Variants in CYYR1 observed in about 807,000 individuals in gnomAD.
The protein encoded by CYYR1 is cysteine and tyrosine rich 1, also known as cysteine and tyrosine-rich protein 1.
CYYR1 carries 14 observed loss-of-function variants against 15.2 expected under a neutral mutation model. The ratio of observed to expected loss-of-function variants is 0.92; its 90% confidence interval spans 0.61 to 1.44. The LOEUF is 1.44. Ranked by LOEUF, CYYR1 falls within the 40% of genes most tolerant of loss-of-function variation. The pLI, the probability that CYYR1 is intolerant of heterozygous loss-of-function variation, is 0.00. For synonymous variants in CYYR1, 80 were observed against 77.4 expected (o/e 1.03, Z -0.18); for missense variants, 228 against 209.5 (o/e 1.09, Z -0.54).
intron 1 of CYYR1, among the ~76,000 whole-genome samples, 188 bp downstream of exon 1, chr21:26,572,680 A>G (rs1215555302): frequency 2.6e-5 from 4 of 152,340 alleles, no homozygotes; most frequent in Admixed American, 2.0e-4. Context: ...AGGAAAAGGA[A>G]CAAAACAAAA....
At chr21:26,550,189 T>A (rs1337157394) in intron 2 of CYYR1, 4 of 152,192 alleles carry the variant, frequency 2.6e-5, no homozygotes, top group African/African-American at 9.7e-5. Flanking sequence ...TTTGATGATG[T>A]TACTATTGTA....
intron 2 of CYYR1, among the ~76,000 whole-genome samples, chr21:26,542,011 G>C (rs1978582434): frequency 6.6e-6 from 1 of 152,096 alleles, no homozygotes; most frequent in Admixed American, 6.6e-5. Flanking sequence ...AAAGATAACA[G>C]TAAACTGAAA....
chr21:26,571,397 T>G (rs979808604), intron 1 of CYYR1, among the ~76,000 whole-genome samples: 1 of 152,266 alleles, frequency 6.6e-6, no homozygotes, highest in Non-Finnish European at 1.5e-5. Context: ...ACCACCCTTG[T>G]TGCTGGCCAG....
At chr21:26,496,639 T>G (rs1171390688) in intron 2 of CYYR1, among the ~76,000 whole-genome samples, 1 of 152,182 alleles carries the variant, frequency 6.6e-6, no homozygotes, top group Non-Finnish European at 1.5e-5. Flanking sequence ...TCTTTTTTGT[T>G]TATATATAGC....
intron 3 of CYYR1, chr21:26,477,761 T>A (rs1374980084): frequency 2.0e-6 from 2 of 985,118 alleles, no homozygotes; most frequent in Non-Finnish European, 1.2e-6. Context: ...TTAATGTCTT[T>A]GCTTGACTTT....
At chr21:26,542,286 TGTGC>T (rs66685942) in intron 2 of CYYR1, among the ~76,000 whole-genome samples, 876 of 65,318 alleles carry the variant, frequency 0.013, 2 homozygotes, top group East Asian at 0.019. Flanking sequence ...TATGTGTGTG[TGTGC>T]GTGTGTGTGT....
chr21:26,507,727 C>T (rs1209502605), intron 2 of CYYR1, among the ~76,000 whole-genome samples: 1 of 152,136 alleles, frequency 6.6e-6, no homozygotes, highest in African/African-American at 2.4e-5. Flanking sequence ...TTCAAGTTAC[C>T]CAACAAACTG....
intron 2 of CYYR1, among the ~76,000 whole-genome samples, chr21:26,501,621 C>T (rs2065482960): frequency 6.6e-6 from 1 of 152,152 alleles, no homozygotes; most frequent in African/African-American, 2.4e-5. Flanking sequence ...TTCACAAGGA[C>T]CTTCTTTTCC....
At chr21:26,535,417 G>C (rs1357683858) in intron 2 of CYYR1, among the ~76,000 whole-genome samples, 1 of 152,126 alleles carries the variant, frequency 6.6e-6, no homozygotes, top group Admixed American at 6.6e-5. Context: ...TGGGCAAAAA[G>C]GGGGAGAGGG....
At chr21:26,570,234 TC>T (rs1980922127) in intron 1 of CYYR1, among the ~76,000 whole-genome samples, 1 of 152,092 alleles carries the variant, frequency 6.6e-6, no homozygotes, top group African/African-American at 2.4e-5. Flanking sequence ...TCCCTGAAAA[TC>T]AGCCAACTTA....
intron 3 of CYYR1, among the ~76,000 whole-genome samples, chr21:26,469,442 T>C (rs2123353725): frequency 6.6e-6 from 1 of 152,362 alleles, no homozygotes; most frequent in Admixed American, 6.5e-5. Context: ...ATTTTGTTAC[T>C]GTACCATATG....
At chr21:26,520,111 GAGATATATATATAT>G (rs1211052405) in intron 2 of CYYR1, among the ~76,000 whole-genome samples, 3 of 83,136 alleles carry the variant, frequency 3.6e-5, no homozygotes, top group Non-Finnish European at 7.4e-5. Context: ...AAAAACCCAG[GAGATATATATATAT>G]ATATATATAT....
At chr21:26,566,751 T>C (rs1306363114) in intron 1 of CYYR1, among the ~76,000 whole-genome samples, 1 of 152,188 alleles carries the variant, frequency 6.6e-6, no homozygotes, top group Non-Finnish European at 1.5e-5. Flanking sequence ...GGCTCACGCA[T>C]GTAATCCCAG....
intron 2 of CYYR1, among the ~76,000 whole-genome samples, chr21:26,486,128 T>C (rs1283524673): frequency 6.6e-6 from 1 of 152,108 alleles, no homozygotes; most frequent in Non-Finnish European, 1.5e-5. Flanking sequence ...TCTAATTGGA[T>C]TGCTTGGTTA....
At chr21:26,561,230 G>A (rs965931483) in intron 2 of CYYR1, among the ~76,000 whole-genome samples, 2 of 151,294 alleles carry the variant, frequency 1.3e-5, no homozygotes, top group Non-Finnish European at 2.9e-5. Context: ...ACTCCCACAA[G>A]CTTTGATTTC....
intron 2 of CYYR1, among the ~76,000 whole-genome samples, chr21:26,487,710 G>A (rs976800921): frequency 1.3e-5 from 2 of 151,672 alleles, no homozygotes; most frequent in African/African-American, 2.4e-5. Flanking sequence ...TATATTAATC[G>A]TAGGATCTCA....
intron 3 of CYYR1, chr21:26,478,108 A>G: frequency 6.5e-7 from 1 of 1,549,724 alleles, no homozygotes; most frequent in Non-Finnish European, 8.7e-7. Flanking sequence ...AAAATAGACC[A>G]AGATCTCTGC....
chr21:26,468,275 A>T lies in CYYR1; in HGVS notation c.*226T>A, dbSNP rs191048525. On this transcript the variant is annotated 3_prime_UTR_variant, in exon 4 of 4. Transcript: ENST00000652641. Reference sequence around the variant, plus strand: ...TGAATGTGCTTAGGTGGATCAGCAGATCTCTTAAAATGTGGTTCCATAGAA... The same window carrying T: ...TGAATGTGCTTAGGTGGATCAGCAGTTCTCTTAAAATGTGGTTCCATAGAA... The T allele has an allele frequency of 1.8e-6, 1 of 551,800 alleles. No individual in the cohort carries two copies. The highest frequency in any genetic ancestry group is 3.2e-5 in the East Asian group (1 of 31,676). 34.2% of individuals were successfully genotyped at this position (551,800 alleles called of 1,614,324 possible).
intron 2 of CYYR1, among the ~76,000 whole-genome samples, chr21:26,519,571 C>T (rs577637692): frequency 6.6e-6 from 1 of 152,326 alleles, no homozygotes. Context: ...CCATTTAAGA[C>T]TTTGGCTCTT....
Sources: gnomAD v4.1 joint callset for allele counts (sites outside exome capture counted in the v4.1 genomes callset) on GRCh38, gnomAD v4.1.1 for gene constraint, MANE v1.5 for transcripts, NCBI Gene and HGNC (gene_info 2026-07-23, HGNC 2026-07-21) for gene names.